The following GADL1 variants were observed in gnomAD, a reference collection of about 807,000 sequenced individuals.
GADL1 encodes the protein GAD like acidic amino acid decarboxylase 1.
GADL1 carries 71 observed loss-of-function variants against 69.5 expected under a neutral mutation model. That is an observed-to-expected ratio of 1.02 (90% CI 0.84 to 1.25). The LOEUF is 1.25. Among genes scored for constraint, GADL1 ranks in the 50% most tolerant of loss-of-function variants. GADL1 has a pLI of 0.00. For missense variants in GADL1, 737 were observed against 631.8 expected (o/e 1.17, Z -1.79); for synonymous variants, 254 against 214.4 (o/e 1.18, Z -1.62).
At chr3:30,795,848 G>A (rs913857507) in intron 12 of GADL1, among the ~76,000 whole-genome samples, 2 of 152,152 alleles carry the variant, frequency 1.3e-5, no homozygotes, top group African/African-American at 4.8e-5. Flanking sequence ...CAAGAGTGTG[G>A]AAAGTTAAGG....
At chr3:30,884,124 T>C (rs951675939) in intron 1 of GADL1, among the ~76,000 whole-genome samples, 1 of 151,914 alleles carries the variant, frequency 6.6e-6, no homozygotes, top group Non-Finnish European at 1.5e-5. Context: ...TTCCATATGA[T>C]CTTGGTGGGT....
chr3:30,871,796 G>A (rs1190473985), intron 1 of GADL1, among the ~76,000 whole-genome samples: 2 of 151,758 alleles, frequency 1.3e-5, no homozygotes, highest in African/African-American at 4.8e-5. Flanking sequence ...CTGAGAGAAC[G>A]TGCTCCTCAG....
intron 11 of GADL1, among the ~76,000 whole-genome samples, chr3:30,802,957 C>T (rs1697191287): frequency 6.6e-6 from 1 of 152,114 alleles, no homozygotes; most frequent in Non-Finnish European, 1.5e-5. Context: ...ATTAGTTGGG[C>T]ATGGTGGCAT....
chr3:30,878,093 G>T (rs572776893), intron 1 of GADL1, among the ~76,000 whole-genome samples: 2 of 151,954 alleles, frequency 1.3e-5, no homozygotes, highest in South Asian at 4.1e-4. Flanking sequence ...TGGAGTTTGG[G>T]GTGAGAGTTT....
chr3:30,772,816 C>A (rs1487027103), intron 14 of GADL1, among the ~76,000 whole-genome samples: 1 of 152,188 alleles, frequency 6.6e-6, no homozygotes, highest in Non-Finnish European at 1.5e-5. Flanking sequence ...GTGGAGGTTG[C>A]AGTGAGCCAA....
intron 14 of GADL1, among the ~76,000 whole-genome samples, chr3:30,741,824 G>A (rs1247139205): frequency 1.3e-5 from 2 of 152,138 alleles, no homozygotes. Flanking sequence ...GAATGAGAGA[G>A]GGCTTGTGGC....
intron 8 of GADL1, among the ~76,000 whole-genome samples, chr3:30,842,384 A>T (rs1697981288): frequency 6.6e-6 from 1 of 152,166 alleles, no homozygotes; most frequent in Non-Finnish European, 1.5e-5. Flanking sequence ...GGTATGTGGT[A>T]CAGATGAAAT....
intron 14 of GADL1, among the ~76,000 whole-genome samples, chr3:30,752,670 G>GT (rs1347089705): frequency 1.3e-5 from 2 of 152,176 alleles, no homozygotes; most frequent in African/African-American, 4.8e-5. Flanking sequence ...TCATAGCACT[G>GT]TGACAGTAGC....
At chr3:30,824,178 G>T (rs960949612) in intron 11 of GADL1, among the ~76,000 whole-genome samples, 4 of 151,296 alleles carry the variant, frequency 2.6e-5, no homozygotes, top group African/African-American at 9.7e-5. Flanking sequence ...TTTAAAGCTT[G>T]AAAATTTTAA....
intron 13 of GADL1, among the ~76,000 whole-genome samples, chr3:30,781,031 A>G (rs755652410): frequency 1.3e-5 from 2 of 152,184 alleles, no homozygotes; most frequent in African/African-American, 2.4e-5. Context: ...AATTGCCTAC[A>G]TATGTGAAAG....
At chr3:30,798,154 A>AT (rs1354113397) in intron 12 of GADL1, 1 of 152,214 alleles carries the variant, frequency 6.6e-6, no homozygotes, top group African/African-American at 2.4e-5. Context: ...CAGGTCCTTA[A>AT]TGTCACATCC....
chr3:30,788,666 A>T (rs1321914917), intron 12 of GADL1, among the ~76,000 whole-genome samples: 2 of 152,218 alleles, frequency 1.3e-5, no homozygotes, highest in African/African-American at 4.8e-5. Flanking sequence ...TTCTTTCAAA[A>T]TTAGTCAATC....
intron 14 of GADL1, among the ~76,000 whole-genome samples, chr3:30,758,154 C>A (rs532014972): frequency 6.6e-6 from 1 of 152,326 alleles, no homozygotes; most frequent in Admixed American, 6.5e-5. Flanking sequence ...CTCCAACCAT[C>A]AAACATCATG....
intron 8 of GADL1, among the ~76,000 whole-genome samples, chr3:30,843,151 G>T (rs982822262): frequency 1.3e-5 from 2 of 152,030 alleles, no homozygotes; most frequent in African/African-American, 4.8e-5. Flanking sequence ...ATTGGAGAAC[G>T]GTCTGAAGCT....
rs773682446 is a variant in GADL1 at position 30,894,618 on chromosome 3, C to T, written c.-4G>A. The T allele has an allele frequency of 4.3e-5, 67 of 1,550,680 alleles. No individual in the cohort carries two copies. Among genetic ancestry groups the T allele is most frequent in the Admixed American group, 5.9e-5 (3 of 50,958 alleles). On this transcript the variant is annotated 5_prime_UTR_variant, in exon 1 of 15. Coordinates refer to ENST00000282538, the MANE Select transcript of GADL1 (RefSeq NM_207359.3). ...GGCGGTCCGAGTCGCTGCTCATCTC[C>T]GCTCCCCCACTCCAGGCTGCCCCGG...
intron 12 of GADL1, among the ~76,000 whole-genome samples, chr3:30,796,429 C>T (rs530267848): frequency 1.3e-5 from 2 of 152,294 alleles, no homozygotes; most frequent in East Asian, 3.9e-4. Flanking sequence ...AATTGACACA[C>T]TCCCCAGTGC....
At position 30,840,186 on chromosome 3, in the gene GADL1, T is replaced by C. The variant is rs17026658; in HGVS notation, c.787-1073A>G. On this transcript the variant is annotated intron_variant, in intron 8 of 14. Transcript: ENST00000282538. ...TTTATAAAGTGCATGCTCATTGCAA[T>C]ACATTTTTATGTCCTTTAATGCCAG... 3.2e-3 allele frequency among the ~76,000 whole-genome samples: 485 copies of C among 152,266 alleles called. 14 individuals are homozygous for C. In the East Asian group the frequency reaches 0.081, roughly 26 times the overall value.
intron 1 of GADL1, among the ~76,000 whole-genome samples, chr3:30,872,529 C>A (rs970715126): frequency 1.3e-5 from 2 of 151,802 alleles, no homozygotes; most frequent in Non-Finnish European, 2.9e-5. Context: ...AAATAGAAGG[C>A]CTGTTTTTAG....
chr3:30,732,351 A>G (rs372280844), intron 14 of GADL1, among the ~76,000 whole-genome samples: 12 of 152,170 alleles, frequency 7.9e-5, no homozygotes, highest in African/African-American at 2.9e-4. Context: ...TCAAATTGTA[A>G]ATCAAATTCT....
Sources: gnomAD v4.1 joint callset for allele counts (sites outside exome capture counted in the v4.1 genomes callset) on GRCh38, gnomAD v4.1.1 for gene constraint, MANE v1.5 for transcripts, NCBI Gene and HGNC (gene_info 2026-07-23, HGNC 2026-07-21) for gene names.